Variants in MAGI1 observed in about 807,000 individuals in gnomAD.
MAGI1 encodes membrane associated guanylate kinase, WW and PDZ domain containing 1.
In MAGI1, 58 loss-of-function variants were observed where a neutral mutation model predicts 139.9. The ratio of observed to expected loss-of-function variants is 0.41; its 90% CI spans 0.34 to 0.52. The LOEUF (loss-of-function observed/expected upper bound fraction) is 0.52. Ranked by LOEUF, MAGI1 falls within the 20% of genes least tolerant of loss-of-function variation. The pLI, the probability that MAGI1 is intolerant of heterozygous loss-of-function variation, is 0.12. For synonymous variants in MAGI1, 812 were observed against 737.9 expected (o/e 1.10, Z -1.63); for missense variants, 1,874 against 1,901.6 (o/e 0.99, Z 0.27).
intron 3 of MAGI1, among the ~76,000 whole-genome samples, chr3:65,484,781 A>G (rs2107636633): frequency 6.6e-6 from 1 of 152,242 alleles, no homozygotes; most frequent in East Asian, 1.9e-4. Context: ...ATCCTCAGCA[A>G]CAGTATCTCT....
At chr3:65,434,707 T>C (rs372229044) in intron 10 of MAGI1, among the ~76,000 whole-genome samples, 5 of 152,336 alleles carry the variant, frequency 3.3e-5, no homozygotes, top group African/African-American at 9.6e-5. Flanking sequence ...TTAATGTTTA[T>C]TGAAATCACA....
intron 2 of MAGI1, among the ~76,000 whole-genome samples, chr3:65,565,674 T>G (rs568453229): frequency 1.3e-5 from 2 of 151,558 alleles, no homozygotes; most frequent in Non-Finnish European, 2.9e-5. Context: ...CTGGTCAACA[T>G]GGTGAAACCC....
chr3:65,799,940 ATTAT>A (rs1292270416), intron 1 of MAGI1, among the ~76,000 whole-genome samples: 1 of 152,216 alleles, frequency 6.6e-6, no homozygotes, highest in African/African-American at 2.4e-5. Context: ...AAGCAAGCAT[ATTAT>A]TTAAACACAA....
chr3:65,744,251 A>G (rs924476370), intron 1 of MAGI1, among the ~76,000 whole-genome samples: 1 of 152,208 alleles, frequency 6.6e-6, no homozygotes, highest in African/African-American at 2.4e-5. Flanking sequence ...TTAGGACCAG[A>G]TGAATAGTAT....
intron 1 of MAGI1, among the ~76,000 whole-genome samples, chr3:65,850,829 C>T (rs116751210): frequency 0.058 from 8,859 of 152,146 alleles, 344 homozygotes; most frequent in Middle Eastern, 0.12. Flanking sequence ...GCCTCAAGCA[C>T]GGCGTGGTGG....
chr3:65,571,121 T>C (rs2080936100), intron 2 of MAGI1, among the ~76,000 whole-genome samples: 1 of 152,192 alleles, frequency 6.6e-6, no homozygotes, highest in African/African-American at 2.4e-5. Flanking sequence ...ATTTTGAACA[T>C]GAAATATTTC....
intron 22 of MAGI1, chr3:65,359,178 A>T: frequency 6.2e-7 from 1 of 1,611,394 alleles, no homozygotes; most frequent in Non-Finnish European, 8.5e-7. Context: ...CCCAGCACCA[A>T]GAACAGTCAG....
chr3:65,525,756 C>T lies in MAGI1; in HGVS notation c.431-32125G>A, dbSNP rs1410059315. ...TAATATAGCGGTAGAATGTGCTTAA[C>T]TCAACATCTGGGTTTTGATGGTGGG... is the stretch of plus-strand genomic sequence containing the variant. On this transcript the variant is annotated intron_variant, in intron 2 of 22. Transcript: ENST00000402939. Among the ~76,000 whole-genome samples, 3 of 152,178 alleles carry T rather than the reference C, an allele frequency of 2.0e-5. No individual in the cohort carries two copies. The East Asian group carries it at 5.8e-4, about 29-fold the overall frequency.
intron 2 of MAGI1, among the ~76,000 whole-genome samples, chr3:65,552,869 A>C (rs1524970): frequency 0.75 from 114,603 of 152,076 alleles, 43,450 homozygotes; most frequent in East Asian, 0.95. Context: ...GAGATGAATT[A>C]ATAGGTTTTG....
chr3:65,414,434 C>T (rs912629486), intron 12 of MAGI1, among the ~76,000 whole-genome samples: 2 of 152,196 alleles, frequency 1.3e-5, no homozygotes, highest in African/African-American at 2.4e-5. Context: ...ACGCTTTCTT[C>T]CTGAATGAAG....
chr3:65,380,175 G>A (rs1248299915), intron 16 of MAGI1, among the ~76,000 whole-genome samples: 1 of 152,132 alleles, frequency 6.6e-6, no homozygotes, highest in Admixed American at 6.5e-5. Flanking sequence ...GCCTCCTTCT[G>A]AATTTAGTCA....
chr3:65,806,267 A>G (rs1043955778), intron 1 of MAGI1, among the ~76,000 whole-genome samples: 1 of 151,976 alleles, frequency 6.6e-6, no homozygotes, highest in Non-Finnish European at 1.5e-5. Flanking sequence ...CATCTCTACC[A>G]AAAATACAAA....
chr3:65,403,082 T>A (rs1349207271), intron 12 of MAGI1, among the ~76,000 whole-genome samples: 1 of 152,204 alleles, frequency 6.6e-6, no homozygotes, highest in Non-Finnish European at 1.5e-5. Flanking sequence ...CAGATAGGCA[T>A]CCTTTAACAA....
intron 12 of MAGI1, among the ~76,000 whole-genome samples, chr3:65,420,773 A>G (rs1212675013): frequency 6.6e-6 from 1 of 152,238 alleles, no homozygotes; most frequent in Non-Finnish European, 1.5e-5. Flanking sequence ...TGAGAACTAT[A>G]AATCACACAC....
chr3:65,543,358 C>T (rs1371478275), intron 2 of MAGI1, among the ~76,000 whole-genome samples: 1 of 152,130 alleles, frequency 6.6e-6, no homozygotes. Flanking sequence ...CCTCAAAGAT[C>T]TAGAGCCAGA....
chr3:65,574,292 G>A (rs1340270551), intron 2 of MAGI1, among the ~76,000 whole-genome samples: 1 of 150,268 alleles, frequency 6.7e-6, no homozygotes, highest in African/African-American at 2.4e-5. Context: ...GGGGTTTTCT[G>A]TACAGGTAAT....
intron 1 of MAGI1, among the ~76,000 whole-genome samples, chr3:66,027,647 T>C (rs1230493416): frequency 6.6e-6 from 1 of 152,226 alleles, no homozygotes; most frequent in Non-Finnish European, 1.5e-5. Context: ...ACCCTTAACC[T>C]GGGTTTAAGT....
chr3:65,604,915 A>G (rs1226948726), intron 2 of MAGI1, among the ~76,000 whole-genome samples: 1 of 152,196 alleles, frequency 6.6e-6, no homozygotes, highest in Non-Finnish European at 1.5e-5. Context: ...CCAAGGTGCA[A>G]AACATGACCA....
intron 1 of MAGI1, among the ~76,000 whole-genome samples, chr3:65,622,427 T>C (rs1025293712): frequency 6.6e-6 from 1 of 152,186 alleles, no homozygotes; most frequent in Non-Finnish European, 1.5e-5. Flanking sequence ...ACTGAAACCT[T>C]AAAGAAGACA....
Sources: allele counts gnomAD v4.1 joint callset (sites outside exome capture counted in the v4.1 genomes callset), GRCh38; gene constraint gnomAD v4.1.1; transcripts MANE v1.5; gene names NCBI Gene and HGNC (gene_info 2026-07-23, HGNC 2026-07-21).